The following SCTR variants were observed in gnomAD, a reference collection of about 807,000 sequenced individuals.
SCTR encodes the protein pancreatic secretin receptor.
A neutral mutation model predicts 60.8 loss-of-function variants in SCTR; 56 were observed. That is an observed-to-expected ratio of 0.92 (90% CI 0.74 to 1.15). The LOEUF (loss-of-function observed/expected upper bound fraction) is 1.15, where lower values mean the gene tolerates loss of function less well. Among genes scored for constraint, SCTR ranks in the 50% most tolerant of loss-of-function variants. The probability of loss-of-function intolerance (pLI) is 0.00; values close to 1 mark genes in which losing one functional copy is unlikely to be tolerated. For synonymous variants in SCTR, 202 were observed against 217.0 expected, an observed-to-expected ratio of 0.93 and a Z score of 0.61; for missense variants, 562 against 550.4, an observed-to-expected ratio of 1.02 and a Z score of -0.21.
intron 10 of SCTR, among the ~76,000 whole-genome samples, chr2:119,447,181 C>T (rs913046910): frequency 1.3e-5 from 2 of 151,992 alleles, no homozygotes; most frequent in African/African-American, 4.8e-5. Flanking sequence ...TTATAAATTA[C>T]GTGCCTATAT....
chr2:119,481,187 G>A (rs942969978), intron 2 of SCTR, among the ~76,000 whole-genome samples: 26 of 152,240 alleles, frequency 1.7e-4, no homozygotes, highest in African/African-American at 4.6e-4. Context: ...CGATGGATGC[G>A]GTGTGCAGAC....
At chr2:119,488,407 C>G (rs1430709735) in intron 2 of SCTR, among the ~76,000 whole-genome samples, 1 of 152,212 alleles carries the variant, frequency 6.6e-6, no homozygotes, top group Non-Finnish European at 1.5e-5. Context: ...CAGGTCCCCC[C>G]AGTGAGTGTG....
At chr2:119,450,533 C>CA (rs1257361850) in intron 9 of SCTR, among the ~76,000 whole-genome samples, 13 of 141,528 alleles carry the variant, frequency 9.2e-5, no homozygotes, top group African/African-American at 2.0e-4. Context: ...AAACAAAAAA[C>CA]AAAAAAACAA....
intron 1 of SCTR, among the ~76,000 whole-genome samples, chr2:119,520,972 G>A (rs1357422555): frequency 6.6e-6 from 1 of 152,192 alleles, no homozygotes; most frequent in Non-Finnish European, 1.5e-5. Flanking sequence ...GCAATGTCTA[G>A]AGATACATTT....
chr2:119,462,039 A>G (rs555809151), intron 6 of SCTR, 39 bp from the exon 7 acceptor site: 2 of 1,574,092 alleles, frequency 1.3e-6, no homozygotes, highest in African/African-American at 1.4e-5. Context: ...GCCGGGTGGC[A>G]GTGGGGTTCC....
At chr2:119,485,992 ACC>A (rs1156700965) in intron 2 of SCTR, 1 of 151,932 alleles carries the variant, frequency 6.6e-6, no homozygotes, top group African/African-American at 2.4e-5. Flanking sequence ...TAATGACTTG[ACC>A]TACAGTCTTA....
In SCTR at chr2:119,494,527, A is replaced by G; in HGVS notation, c.94T>C (p.Cys32Arg). 1 of 1,613,990 alleles carries G rather than the reference A, an allele frequency of 6.2e-7. No homozygotes were observed. Among genetic ancestry groups the G allele is most frequent in the East Asian group, 2.2e-5 (1 of 44,870 alleles). ...AHSTGALPRLCDVLQVLWEEQ... is the reference protein window; with the variant it reads ...AHSTGALPRLRDVLQVLWEEQ... The stretch of plus-strand genomic sequence containing the variant: ...TCCCACAGCACTTGTAGCACGTCAC[A>G]TAGTCGGGGAAGGGCTCCAGTCTGC... Residue 32 changes from cysteine (C) to arginine (R), a missense_variant, in exon 2 of 13, where the codon TGT becomes CGT. Cys to Arg is a radical substitution (Grantham distance 180). Transcript: ENST00000019103.
chr2:119,441,649 G>C (rs774352371), intron 11 of SCTR, 50 bp from the exon 12 acceptor site: 2 of 1,546,658 alleles, frequency 1.3e-6, no homozygotes, highest in Non-Finnish European at 1.8e-6. Flanking sequence ...TCAGCATGCG[G>C]CCTGAACCAG....
rs574827483 is a variant in SCTR at position 119,522,771 on chromosome 2, G to A, written c.72+1384C>T. ...TATTGCCTCTCCCACCCCCAGCCAC[G>A]GAATAACACACCTTCTGGCTCTACC... On this transcript the variant is annotated intron_variant, in intron 1 of 12. Transcript: ENST00000019103. Among the ~76,000 whole-genome samples the A allele has an allele frequency of 8.5e-5, 13 of 152,212 alleles. No homozygotes were observed. The Middle Eastern group carries it at 0.01, about 119-fold the overall frequency.
At chr2:119,461,711 CAAAAA>C (rs539293803) in intron 7 of SCTR, 131 bp downstream of exon 7, 1,599 of 293,218 alleles carry the variant, frequency 5.5e-3, no homozygotes, top group South Asian at 0.011. Context: ...AACTCCAACT[CAAAAA>C]AAAAAAAAAA....
chr2:119,476,092 A>T (rs1463409769), intron 3 of SCTR, among the ~76,000 whole-genome samples: 2 of 152,070 alleles, frequency 1.3e-5, no homozygotes, highest in East Asian at 3.9e-4. Flanking sequence ...CCTCAAGGAG[A>T]ATTAATTTAT....
In SCTR at chr2:119,513,684, G is replaced by A. The variant is rs1229344194; in HGVS notation, c.72+10471C>T. 2.6e-5 allele frequency among the ~76,000 whole-genome samples: 4 copies of A among 151,884 alleles called. No homozygotes were observed. In the Middle Eastern group the frequency reaches 0.014, roughly 517 times the overall value. ...TTTTAAATCCACTTTCTTTTTTCTT[G>A]TTGATCACAAAATTCACAGGCCTTC... On this transcript the variant is annotated intron_variant, in intron 1 of 12. Coordinates refer to ENST00000019103, the MANE Select transcript of SCTR (RefSeq NM_002980.3).
intron 4 of SCTR, among the ~76,000 whole-genome samples, chr2:119,471,349 G>T (rs1482611362): frequency 6.6e-6 from 1 of 152,146 alleles, no homozygotes; most frequent in Non-Finnish European, 1.5e-5. Flanking sequence ...CTCTGCAGAA[G>T]GCAGAGCCCA....
At chr2:119,488,802 C>A (rs867351594) in intron 2 of SCTR, among the ~76,000 whole-genome samples, 1 of 152,160 alleles carries the variant, frequency 6.6e-6, no homozygotes, top group African/African-American at 2.4e-5. Context: ...TCCACAACAG[C>A]GTCATGAAGT....
At chr2:119,487,869 A>G (rs1295202435) in intron 2 of SCTR, among the ~76,000 whole-genome samples, 1 of 151,840 alleles carries the variant, frequency 6.6e-6, no homozygotes, top group Non-Finnish European at 1.5e-5. Context: ...GAGCTTAACC[A>G]TTAACCCTGC....
chr2:119,479,029 T>G (rs1677477058), intron 2 of SCTR, 111 bp from the exon 3 acceptor site: 1 of 1,522,324 alleles, frequency 6.6e-7, no homozygotes, highest in Admixed American at 2.1e-5. Flanking sequence ...ACTAGACTAC[T>G]TTCAAAGCTC....
intron 11 of SCTR, among the ~76,000 whole-genome samples, chr2:119,445,272 A>G (rs1327576034): frequency 6.6e-6 from 1 of 152,094 alleles, no homozygotes; most frequent in Admixed American, 6.5e-5. Context: ...TAGATGGGCC[A>G]TTGTGTGCCC....
intron 7 of SCTR, among the ~76,000 whole-genome samples, chr2:119,459,793 A>G (rs759959412): frequency 1.8e-4 from 27 of 152,226 alleles, no homozygotes; most frequent in Non-Finnish European, 3.1e-4. Context: ...GTAATCCCTG[A>G]ACACAGGAAG....
intron 2 of SCTR, among the ~76,000 whole-genome samples, chr2:119,490,972 C>T (rs1221748525): frequency 6.6e-6 from 1 of 152,164 alleles, no homozygotes; most frequent in Non-Finnish European, 1.5e-5. Flanking sequence ...GCGTGTGTTC[C>T]ACAAGTGCCC....
Sources: allele counts gnomAD v4.1 joint callset (sites outside exome capture counted in the v4.1 genomes callset), GRCh38; gene constraint gnomAD v4.1.1; transcripts MANE v1.5; gene names NCBI Gene and HGNC (gene_info 2026-07-23, HGNC 2026-07-21).